Variants in ZFAT observed in about 807,000 individuals in gnomAD.
ZFAT encodes the protein zinc finger and AT-hook domain containing.
Under a neutral mutation model 117.7 loss-of-function variants are expected in ZFAT, and 64 were observed. That is an observed-to-expected ratio of 0.54 (90% confidence interval 0.44 to 0.67). The LOEUF is 0.67. Among genes scored for constraint, ZFAT ranks in the 30% least tolerant of loss-of-function variants. The pLI, the probability that ZFAT is intolerant of heterozygous loss-of-function variation, is 0.00. For synonymous variants in ZFAT, 679 were observed against 615.0 expected, an observed-to-expected ratio of 1.10 and a Z score of -1.54; for missense variants, 1,433 against 1,584.5, an observed-to-expected ratio of 0.90 and a Z score of 1.62.
chr8:134,485,194 C>A (rs1406854389), intron 15 of ZFAT, among the ~76,000 whole-genome samples: 1 of 152,116 alleles, frequency 6.6e-6, no homozygotes, highest in Non-Finnish European at 1.5e-5. Flanking sequence ...CTCTGCCCAC[C>A]CACTGGGTCC....
intron 3 of ZFAT, among the ~76,000 whole-genome samples, chr8:134,624,410 C>T (rs1041829513): frequency 6.6e-6 from 1 of 151,898 alleles, no homozygotes; most frequent in African/African-American, 2.4e-5. Flanking sequence ...AATCCCAGCA[C>T]TTTGGGAGGC....
chr8:134,619,999 C>A (rs1032820168), intron 3 of ZFAT, among the ~76,000 whole-genome samples: 5 of 152,138 alleles, frequency 3.3e-5, no homozygotes, highest in African/African-American at 4.8e-5. Context: ...GAGGAACCAG[C>A]CGAACAGCTG....
chr8:134,486,376 G>T (rs181645102), intron 15 of ZFAT, among the ~76,000 whole-genome samples: 1 of 152,172 alleles, frequency 6.6e-6, no homozygotes, highest in African/African-American at 2.4e-5. Flanking sequence ...AAACTCCACC[G>T]ACACCTCTGT....
At chr8:134,544,179 A>G (rs1169784818) in intron 11 of ZFAT, among the ~76,000 whole-genome samples, 5 of 152,138 alleles carry the variant, frequency 3.3e-5, no homozygotes, top group Non-Finnish European at 5.9e-5. Flanking sequence ...TAACCCCGCT[A>G]TGGTGTAACT....
the ZFAT span, among the ~76,000 whole-genome samples, chr8:134,823,385 A>G: frequency 6.6e-6 from 1 of 152,236 alleles, no homozygotes; most frequent in Non-Finnish European, 1.5e-5. Flanking sequence ...GCCACTTCAA[A>G]TTAATTACAG....
chr8:134,713,946 T>C (rs117822126), upstream of ZFAT, among the ~76,000 whole-genome samples: 90 of 152,294 alleles, frequency 5.9e-4, 1 homozygote, highest in East Asian at 0.015. Flanking sequence ...CAGTTATTTA[T>C]TTCATGAGTA....
At chr8:134,672,146 G>A (rs1369301441) in intron 1 of ZFAT, among the ~76,000 whole-genome samples, 1 of 152,236 alleles carries the variant, frequency 6.6e-6, no homozygotes, top group Non-Finnish European at 1.5e-5. Context: ...TCATGGATAG[G>A]AAGAATCAAT....
chr8:134,583,942 G>T lies in ZFAT; in HGVS notation c.2777C>A (p.Ala926Asp). The T allele has an allele frequency of 1.3e-6, 2 of 1,590,662 alleles. No homozygotes were observed. The highest frequency in any genetic ancestry group is 1.7e-6 in the Non-Finnish European group (2 of 1,167,254). ...CTCAGTGCTGTGACGATTCATATGA[G>T]CCTTGAGGTTACTCTTGCTACGAGT... is the stretch of plus-strand genomic sequence containing the variant. ...YATRSKSNLK[A>D]HMNRHSTEKT... is the part of the protein sequence containing the mutation. Residue 926 changes from alanine (A) to aspartate (D), a missense_variant, in exon 10 of 16, where the codon GCT becomes GAT. Around this residue, in one of 5 missense-constraint regions of ZFAT, gnomAD observed 503 missense variants for 543.4 expected, o/e 0.93. Coordinates refer to ENST00000377838, the MANE Select transcript of ZFAT (RefSeq NM_020863.4).
intron 3 of ZFAT, among the ~76,000 whole-genome samples, chr8:134,619,893 T>A (rs2131014643): frequency 6.6e-6 from 1 of 152,254 alleles, no homozygotes; most frequent in South Asian, 2.1e-4. Flanking sequence ...ACACCCAGCA[T>A]CACATTGAAG....
intron 15 of ZFAT, among the ~76,000 whole-genome samples, chr8:134,483,912 C>T (rs763520272): frequency 9.2e-5 from 14 of 152,210 alleles, no homozygotes; most frequent in East Asian, 1.9e-4. Flanking sequence ...GGATCCTCTG[C>T]GGTGCGCCAG....
At chr8:134,751,182 G>C in the ZFAT span, among the ~76,000 whole-genome samples, 3 of 152,110 alleles carry the variant, frequency 2.0e-5, no homozygotes, top group African/African-American at 7.2e-5. Flanking sequence ...TGACAAGCAG[G>C]GTTTTGAAAC....
At chr8:134,665,441 T>C (rs189709783) in intron 1 of ZFAT, among the ~76,000 whole-genome samples, 1 of 152,272 alleles carries the variant, frequency 6.6e-6, no homozygotes, top group East Asian at 1.9e-4. Context: ...TGAGGCAGAG[T>C]GTCCTCCTCC....
At chr8:134,705,156 C>T (rs977713872) in intron 1 of ZFAT, among the ~76,000 whole-genome samples, 2 of 152,124 alleles carry the variant, frequency 1.3e-5, no homozygotes, top group African/African-American at 2.4e-5. Context: ...AGAACTCTTA[C>T]ATTCCAGCAA....
In ZFAT at chr8:134,531,615, C is replaced by T. The variant is rs75500019; in HGVS notation, c.3115+1219G>A. On this transcript the variant is annotated intron_variant, in intron 12 of 15. Coordinates refer to ENST00000377838, the MANE Select transcript of ZFAT (RefSeq NM_020863.4). ...GGGTAACATGCCCAAGATGGCACAG[C>T]TAAGAAAGAAGAATGCAGATTGGAG... Among the ~76,000 whole-genome samples the T allele has an allele frequency of 4.9e-3, 748 of 152,332 alleles. 5 individuals are homozygous for T. The highest frequency in any genetic ancestry group is 0.017 in the African/African-American group (723 of 41,570).
chr8:134,564,390 T>C lies in ZFAT; in HGVS notation c.2976+943A>G, dbSNP rs370870028. 9.2e-5 allele frequency among the ~76,000 whole-genome samples: 14 copies of C among 152,256 alleles called. No homozygotes were observed. The East Asian group carries it at 1.7e-3, about 19-fold the overall frequency. On this transcript the variant is annotated intron_variant, in intron 11 of 15. Transcript: ENST00000377838. ...GCTGTCTGTGGCAAGGACTTAGTAA[T>C]TGCTTTAAACAAATCACCCCAGTGT...
intron 1 of ZFAT, among the ~76,000 whole-genome samples, chr8:134,672,640 GA>G (rs1184324840): frequency 6.6e-6 from 1 of 151,968 alleles, no homozygotes; most frequent in African/African-American, 2.4e-5. Flanking sequence ...TAAAAGTAAT[GA>G]AAAAAAGTCT....
At chr8:134,794,733 G>C in the ZFAT span, 1 of 152,144 alleles carries the variant, frequency 6.6e-6, no homozygotes, top group Non-Finnish European at 1.5e-5. Flanking sequence ...AAACCCTAAC[G>C]TTCTTATAAT....
At chr8:134,539,359 T>C (rs944822092) in intron 11 of ZFAT, among the ~76,000 whole-genome samples, 3 of 152,226 alleles carry the variant, frequency 2.0e-5, no homozygotes, top group Admixed American at 2.0e-4. Flanking sequence ...GGTAATGTTT[T>C]TGCAGTCTAA....
chr8:134,819,761 C>T, the ZFAT span, among the ~76,000 whole-genome samples: 17 of 151,992 alleles, frequency 1.1e-4, no homozygotes, highest in Non-Finnish European at 2.4e-4. Context: ...AAGCTAGGGA[C>T]CAGAACAATG....
Sources: allele counts gnomAD v4.1 joint callset (sites outside exome capture counted in the v4.1 genomes callset), GRCh38; gene constraint gnomAD v4.1.1; regional missense constraint gnomAD v4.1.1; transcripts MANE v1.5; gene names NCBI Gene and HGNC (gene_info 2026-07-23, HGNC 2026-07-21).